The following TSC22D2 variants were observed in gnomAD, a reference collection of about 807,000 sequenced individuals.
The protein encoded by TSC22D2 is TSC22 domain family member 2.
TSC22D2 carries 5 observed loss-of-function variants against 50.1 expected under a neutral mutation model. That is an observed-to-expected ratio of 0.10 (90% CI 0.05 to 0.21). TSC22D2 has a LOEUF of 0.21. Among genes scored for constraint, TSC22D2 ranks in the 10% least tolerant of loss-of-function variants. The pLI, the probability that TSC22D2 is intolerant of heterozygous loss-of-function variation, is 1.00. For synonymous variants in TSC22D2, 501 were observed against 450.1 expected, an observed-to-expected ratio of 1.11 and a Z score of -1.43; for missense variants, 1,003 against 1,015.5, an observed-to-expected ratio of 0.99 and a Z score of 0.17.
intron 1 of TSC22D2, among the ~76,000 whole-genome samples, chr3:150,432,574 A>G (rs192647060): frequency 6.6e-6 from 1 of 151,954 alleles, no homozygotes; most frequent in African/African-American, 2.4e-5. Context: ...ATTCTATTGA[A>G]GAGCTTTTTT....
intron 1 of TSC22D2, among the ~76,000 whole-genome samples, chr3:150,446,854 T>C (rs986403412): frequency 3.3e-5 from 5 of 152,224 alleles, no homozygotes; most frequent in Non-Finnish European, 1.5e-5. Context: ...GTTAATAACT[T>C]TGGAGCAAAT....
Position 150,409,165 on chromosome 3 carries a change from A to T in TSC22D2, c.-186A>T, listed in dbSNP as rs966054963. On this transcript the variant is annotated 5_prime_UTR_variant, in exon 1 of 3. Transcript: ENST00000688009. This position sits in a 1 kb window ranked among gnomAD's most constrained non-coding sequence, Gnocchi z 7.4. Reference sequence around the variant, plus strand: ...CGAAGAGACCGACACAGAGAAGGAAACGAGGAGGAGGATGTCTCACCGGGC... The same window carrying T: ...CGAAGAGACCGACACAGAGAAGGAATCGAGGAGGAGGATGTCTCACCGGGC... 5.3e-6 allele frequency: 3 copies of T among 560,972 alleles called. No homozygotes were observed. Among genetic ancestry groups the T allele is most frequent in the Non-Finnish European group, 6.2e-6 (2 of 324,534 alleles). 34.7% of individuals were successfully genotyped at this position (560,972 alleles called of 1,614,324 possible). A position where few individuals can be genotyped will look rare whatever the true frequency, so the allele number is the denominator to read the frequency against.
chr3:150,436,578 G>T (rs28514580), intron 1 of TSC22D2, among the ~76,000 whole-genome samples: 88,444 of 151,920 alleles, frequency 0.58, 26,152 homozygotes, highest in Non-Finnish European at 0.64. Context: ...AGATAAGAAT[G>T]TTATTAAAAC....
rs1228006634 is a variant in TSC22D2, at chr3:150,411,124, G to A, written c.1774G>A (p.Asp592Asn). 2.5e-6 allele frequency: 4 copies of A among 1,613,996 alleles called. No individual in the cohort carries two copies. The highest frequency in any genetic ancestry group is 3.4e-6 in the Non-Finnish European group (4 of 1,180,024). Residue 592 changes from aspartate (D) to asparagine (N), a missense_variant, in exon 1 of 3, where the codon GAC (aspartate) becomes AAC (asparagine). Physicochemically the swap from Asp to Asn is conservative, Grantham distance 23 (BLOSUM62 1). Around this residue, in one of 6 missense-constraint regions of TSC22D2, gnomAD observed 696 missense variants for 647.8 expected, o/e 1.07. Coordinates refer to ENST00000688009, the MANE Select transcript of TSC22D2 (RefSeq NM_001303264.2). ...TQTQPLVGQV[D>N]DTRRKSEPLP... ...GACCCAGCCTTTAGTCGGGCAAGTC[G>A]ACGATACTAGAAGAAAATCAGAACC...
intron 1 of TSC22D2, among the ~76,000 whole-genome samples, chr3:150,414,736 T>A (rs973910406): frequency 1.3e-5 from 2 of 152,058 alleles, no homozygotes; most frequent in African/African-American, 4.8e-5. Flanking sequence ...CTGCTTTTTT[T>A]ACTTGAAGTT....
At chr3:150,426,508 T>A (rs1720197291) in intron 1 of TSC22D2, among the ~76,000 whole-genome samples, 1 of 152,172 alleles carries the variant, frequency 6.6e-6, no homozygotes, top group Admixed American at 6.5e-5. Flanking sequence ...TACCCTCTTC[T>A]AAATACCAGG....
intron 1 of TSC22D2, among the ~76,000 whole-genome samples, chr3:150,428,594 T>TAAAAAAA (rs34028047): frequency 7.2e-6 from 1 of 138,438 alleles, no homozygotes; most frequent in African/African-American, 2.6e-5. Context: ...CTGGGTATAG[T>TAAAAAAA]AAAAAAAAAA....
At chr3:150,457,151 C>G in intron 2 of TSC22D2, 24 bp downstream of exon 2, 2 of 1,602,316 alleles carry the variant, frequency 1.2e-6, no homozygotes, top group Non-Finnish European at 1.7e-6. Flanking sequence ...TACAGTTCTC[C>G]CATTTCATAG....
intron 1 of TSC22D2, among the ~76,000 whole-genome samples, chr3:150,449,174 G>T (rs1720968312): frequency 6.6e-6 from 1 of 152,142 alleles, no homozygotes; most frequent in South Asian, 2.1e-4. Context: ...CTTGCAGAAT[G>T]AAATAGTTGC....
Position 150,449,915 on chromosome 3 carries a change from A to G in TSC22D2, c.1959-7161A>G, listed in dbSNP as rs180880580. ...TTAATGTTCAGTGTGAATTCTCCCCATTTTTCTATTGGGCATCTGGTCTTA... is the reference window on the plus strand; with the variant it reads ...TTAATGTTCAGTGTGAATTCTCCCCGTTTTTCTATTGGGCATCTGGTCTTA... On this transcript the variant is annotated intron_variant, in intron 1 of 2. Coordinates refer to ENST00000688009, the MANE Select transcript of TSC22D2 (RefSeq NM_001303264.2). 1.8e-3 allele frequency among the ~76,000 whole-genome samples: 269 copies of G among 151,970 alleles called. 1 individual carries two copies. The highest frequency in any genetic ancestry group is 6.1e-3 in the African/African-American group (254 of 41,496).
chr3:150,418,423 G>A (rs1025740205), intron 1 of TSC22D2, among the ~76,000 whole-genome samples: 29 of 151,790 alleles, frequency 1.9e-4, no homozygotes, highest in Admixed American at 1.8e-3. Flanking sequence ...CTCTGCATAG[G>A]TATTTATATA....
rs1353538401 is a variant in TSC22D2, at chr3:150,458,401, A to T, written c.2036A>T (p.Tyr679Phe). ...AMDLVKSHLM[Y>F]AVREEVEVLK... The stretch of plus-strand genomic sequence containing the variant: ...GATCTGGTGAAAAGCCATTTGATGT[A>T]TGCAGTAAGAGAAGAAGTGGAAGTT... Residue 679 changes from tyrosine to phenylalanine, a missense_variant, in exon 3 of 3, where the codon TAT (tyrosine) becomes TTT (phenylalanine). Physicochemically the swap from Tyr to Phe is conservative, Grantham distance 22. Around this residue, in one of 6 missense-constraint regions of TSC22D2, gnomAD observed 17 missense variants for 57.7 expected, o/e 0.29. Transcript: ENST00000688009. 4.3e-6 allele frequency: 7 copies of T among 1,613,964 alleles called. No individual in the cohort carries two copies. In the Admixed American group the frequency reaches 1.0e-4, roughly 23 times the overall value.
chr3:150,414,726 C>T (rs1719734814), intron 1 of TSC22D2, among the ~76,000 whole-genome samples: 1 of 151,942 alleles, frequency 6.6e-6, no homozygotes, highest in South Asian at 2.1e-4. Flanking sequence ...CCAAATTCTG[C>T]TGCTTTTTTT....
chr3:150,409,090 G>A lies in TSC22D2; in HGVS notation c.-261G>A, dbSNP rs1719385893. On this transcript the variant is annotated 5_prime_UTR_variant, in exon 1 of 3. Coordinates refer to ENST00000688009, the MANE Select transcript of TSC22D2 (RefSeq NM_001303264.2). The surrounding 1 kb of genome is among the most constrained non-coding windows in gnomAD (Gnocchi z 7.4). ...TTGAATTGAGGCGCCGCGGCTGCGA[G>A]AGCTAAAAAGGAAGGAGGAGCCGCC... 2 of 373,718 alleles carry A rather than the reference G, an allele frequency of 5.4e-6. No homozygotes were observed. Among genetic ancestry groups the A allele is most frequent in the Non-Finnish European group, 9.7e-6 (2 of 205,880 alleles). The allele number at this position is 373,718 out of a possible 1,614,324, so 23.2% of individuals were successfully genotyped here.
chr3:150,444,296 TACCAA>T (rs1720810315), intron 1 of TSC22D2, among the ~76,000 whole-genome samples: 1 of 152,210 alleles, frequency 6.6e-6, no homozygotes, highest in Non-Finnish European at 1.5e-5. Flanking sequence ...CATCTGTTTA[TACCAA>T]ACTTATAAAA....
intron 1 of TSC22D2, among the ~76,000 whole-genome samples, chr3:150,439,424 A>G (rs974625062): frequency 6.6e-6 from 1 of 152,220 alleles, no homozygotes; most frequent in African/African-American, 2.4e-5. Flanking sequence ...ATTGCAATCA[A>G]TAGTAGTCTG....
At chr3:150,453,471 C>T (rs935178317) in intron 1 of TSC22D2, among the ~76,000 whole-genome samples, 3 of 152,188 alleles carry the variant, frequency 2.0e-5, no homozygotes, top group South Asian at 2.1e-4. Flanking sequence ...GTATCTCCAT[C>T]GTAAATATGG....
rs1245161758 is a variant in TSC22D2 at position 150,410,150 on chromosome 3, A to G, written c.800A>G (p.Gln267Arg). The G allele has an allele frequency of 1.2e-6, 2 of 1,611,604 alleles. No homozygotes were observed. The highest frequency in any genetic ancestry group is 1.7e-6 in the Non-Finnish European group (2 of 1,179,632). The change falls in exon 1 of 3, where the codon CAG becomes CGG. Residue 267 changes from glutamine (Q) to arginine (R), a missense_variant. Transcript: ENST00000688009. Reference sequence around the variant, plus strand: ...AGCCAGCCCACTCCGGCCCAGCCGCAGAGTTTTAGCGTTGGGCAGCCACAG... The same window carrying G: ...AGCCAGCCCACTCCGGCCCAGCCGCGGAGTTTTAGCGTTGGGCAGCCACAG... ...KMSQPTPAQP[Q>R]SFSVGQPQPP...
rs1425605527 is a variant in TSC22D2 at position 150,462,314 on chromosome 3, T to C, written c.*3678T>C. ...GCAGGCAGTGACTTCCCCACTGACC[T>C]AGTATTTTGGCATCTATTCAGAAAG... On this transcript the variant is annotated 3_prime_UTR_variant, in exon 3 of 3. Coordinates refer to ENST00000688009, the MANE Select transcript of TSC22D2 (RefSeq NM_001303264.2). The C allele has an allele frequency of 2.6e-5, 4 of 152,208 alleles. No homozygotes were observed. The highest frequency in any genetic ancestry group is 6.5e-5 in the Admixed American group (1 of 15,272). 9.4% of individuals were successfully genotyped at this position (152,208 alleles called of 1,614,324 possible).
Sources: gnomAD v4.1 joint callset for allele counts (sites outside exome capture counted in the v4.1 genomes callset) on GRCh38, gnomAD v4.1.1 for gene constraint, gnomAD v4.1.1 regional missense constraint, Gnocchi (gnomAD v3.1) non-coding constraint, MANE v1.5 for transcripts, NCBI Gene and HGNC (gene_info 2026-07-23, HGNC 2026-07-21) for gene names.